OVOL2: variants seen among roughly 807,000 people sequenced by gnomAD.
The protein encoded by OVOL2 is transcription factor Ovo-like 2.
In OVOL2, 13 loss-of-function variants were observed where a neutral mutation model predicts 18.1. The ratio of observed to expected loss-of-function variants is 0.72; its 90% CI spans 0.47 to 1.14. The LOEUF is 1.14. OVOL2 is among the 50% of genes most tolerant of loss of function. OVOL2 has a pLI of 0.00. For missense variants in OVOL2, 335 were observed against 383.0 expected, an observed-to-expected ratio of 0.87 and a Z score of 1.05; for synonymous variants, 166 against 162.7, an observed-to-expected ratio of 1.02 and a Z score of -0.16.
chr20:18,025,442 A>C (rs2036504817), intron 3 of OVOL2, among the ~76,000 whole-genome samples: 2 of 151,950 alleles, frequency 1.3e-5, no homozygotes, highest in African/African-American at 4.8e-5. Context: ...GGTGGCGCGC[A>C]CCCATAGTCC....
intron 2 of OVOL2, among the ~76,000 whole-genome samples, chr20:18,049,415 T>C (rs532478102): frequency 7.9e-5 from 12 of 152,344 alleles, no homozygotes; most frequent in Middle Eastern, 3.4e-3. Flanking sequence ...ATTTAGTTAA[T>C]GGTCTATGGG....
chr20:18,048,641 C>T (rs1441332850), intron 2 of OVOL2, among the ~76,000 whole-genome samples: 4 of 151,928 alleles, frequency 2.6e-5, no homozygotes, highest in South Asian at 2.1e-4. Context: ...TGGGGGGCGG[C>T]GGTTACAGTA....
Position 18,057,497 on chromosome 20 carries a change from G to T in OVOL2, c.100+38C>A. On this transcript the variant is annotated intron_variant, in intron 1 of 3. Transcript: ENST00000278780. This position sits in a 1 kb window ranked among gnomAD's most constrained non-coding sequence, Gnocchi z 6.3. Reference sequence around the variant, plus strand: ...CCCGCCACCCCTTCCCCCACCCCGGGAGCCCAGCGCCCAGGCCCGGCCCCC... The same window carrying T: ...CCCGCCACCCCTTCCCCCACCCCGGTAGCCCAGCGCCCAGGCCCGGCCCCC... 1 of 1,546,606 alleles carries T rather than the reference G, an allele frequency of 6.5e-7. No homozygotes were observed. Among genetic ancestry groups the T allele is most frequent in the Non-Finnish European group, 8.7e-7 (1 of 1,144,752 alleles).
Position 18,042,802 on chromosome 20 carries a change from G to A in OVOL2, c.322-1079C>T, listed in dbSNP as rs149485470. On this transcript the variant is annotated intron_variant, in intron 2 of 3. Coordinates refer to ENST00000278780, the MANE Select transcript of OVOL2 (RefSeq NM_021220.4). ...AAAAAAAAAAAAAAAAAAGAGCCCG[G>A]CACTTCCTCCCCTCTCTCTTGCTTC... Among the ~76,000 whole-genome samples, 149 of 144,632 alleles carry A rather than the reference G, an allele frequency of 1.0e-3. 3 individuals are homozygous for A. In the East Asian group the frequency reaches 0.026, roughly 25 times the overall value. The allele number at this position is 144,632 out of a possible 152,430, so 94.9% of individuals were successfully genotyped here. A position where few individuals can be genotyped will look rare whatever the true frequency, so the allele number is the denominator to read the frequency against.
intron 3 of OVOL2, among the ~76,000 whole-genome samples, chr20:18,025,660 C>G (rs540101133): frequency 6.6e-6 from 1 of 152,238 alleles, no homozygotes; most frequent in East Asian, 1.9e-4. Flanking sequence ...TGGGAAGAAC[C>G]TATAGGGCAA....
rs1555794629 is a variant in OVOL2, at chr20:18,032,499, T to TTCA, written c.512-7548_512-7547insTGA. Among the ~76,000 whole-genome samples the TTCA allele has an allele frequency of 5.8e-4, 87 of 151,104 alleles. No individual in the cohort carries two copies. In the East Asian group the frequency reaches 0.016, roughly 28 times the overall value. The stretch of plus-strand genomic sequence containing the variant: ...TACTGGAAATTTTGTCATGATTTCT[T>TTCA]TTATTATTATTATTATTATTATTTT... On this transcript the variant is annotated intron_variant, in intron 3 of 3. Transcript: ENST00000278780.
At chr20:18,044,180 C>A (rs1005435616) in intron 2 of OVOL2, among the ~76,000 whole-genome samples, 1 of 152,186 alleles carries the variant, frequency 6.6e-6, no homozygotes, top group Non-Finnish European at 1.5e-5. Flanking sequence ...TTCAGGAGGT[C>A]TGGTAGGGTC....
chr20:18,058,122 C>A (rs567553306), upstream of OVOL2, among the ~76,000 whole-genome samples: 1 of 152,224 alleles, frequency 6.6e-6, no homozygotes, highest in South Asian at 2.1e-4. Context: ...CCATCACCTG[C>A]ACCTCGAGGC....
chr20:18,037,079 T>A, intron 3 of OVOL2, among the ~76,000 whole-genome samples: 1 of 141,792 alleles, frequency 7.1e-6, no homozygotes. Context: ...GAGCTTGCAG[T>A]GAGCCGAGAT....
chr20:18,024,425 G>T lies in OVOL2; in HGVS notation c.*211C>A. 9.4e-7 allele frequency: 1 copy of T among 1,068,290 alleles called. No individual in the cohort carries two copies. Among genetic ancestry groups the T allele is most frequent in the Non-Finnish European group, 1.3e-6 (1 of 796,926 alleles). 66.2% of individuals were successfully genotyped at this position (1,068,290 alleles called of 1,614,324 possible). ...CAAACTTTGGTGAATGTGAGCAACT[G>T]CGCCAGACAGGACACAGGTTACAGG... is the stretch of plus-strand genomic sequence containing the variant. On this transcript the variant is annotated 3_prime_UTR_variant, in exon 4 of 4. Transcript: ENST00000278780.
chr20:18,055,531 C>G (rs2036813523), intron 2 of OVOL2, among the ~76,000 whole-genome samples: 1 of 152,200 alleles, frequency 6.6e-6, no homozygotes, highest in Admixed American at 6.5e-5. Flanking sequence ...AGAGGTCTTT[C>G]CTTTGGATCC....
upstream of OVOL2, among the ~76,000 whole-genome samples, chr20:18,058,410 C>T (rs923421978): frequency 1.6e-4 from 23 of 148,054 alleles, no homozygotes; most frequent in East Asian, 4.3e-3. Flanking sequence ...CAACACCCCC[C>T]CCCCATAAGC....
At chr20:18,032,499 T>TTTATTA (rs111565839) in intron 3 of OVOL2, among the ~76,000 whole-genome samples, 56 of 151,102 alleles carry the variant, frequency 3.7e-4, no homozygotes, top group South Asian at 1.5e-3. Context: ...CATGATTTCT[T>TTTATTA]TTATTATTAT....
At position 18,057,778 on chromosome 20, in the gene OVOL2, G is replaced by A; in HGVS notation, c.-144C>T. 7.1e-7 allele frequency: 1 copy of A among 1,405,644 alleles called. No homozygotes were observed. Among genetic ancestry groups the A allele is most frequent in the Non-Finnish European group, 9.2e-7 (1 of 1,088,204 alleles). 87.1% of individuals were successfully genotyped at this position (1,405,644 alleles called of 1,614,324 possible). On this transcript the variant is annotated 5_prime_UTR_variant, in exon 1 of 4. Coordinates refer to ENST00000278780, the MANE Select transcript of OVOL2 (RefSeq NM_021220.4). The surrounding 1 kb of genome is among the most constrained non-coding windows in gnomAD (Gnocchi z 6.3). ...CCCTCTTCCTCCACCCCCCGCCGCG[G>A]CGCGGCCCAGGCCTCTCCCCCGCAC...
chr20:18,055,598 T>G (rs2036814181), intron 2 of OVOL2, among the ~76,000 whole-genome samples: 1 of 151,908 alleles, frequency 6.6e-6, no homozygotes, highest in South Asian at 2.1e-4. Flanking sequence ...CACCCCGGAG[T>G]CAAACCCTGG....
intron 3 of OVOL2, among the ~76,000 whole-genome samples, chr20:18,027,161 A>G (rs1366070118): frequency 3.9e-5 from 6 of 152,130 alleles, no homozygotes. Flanking sequence ...AAGCACACTA[A>G]GCAGAATCTC....
At chr20:18,028,945 T>C (rs562129259) in intron 3 of OVOL2, among the ~76,000 whole-genome samples, 239 of 152,300 alleles carry the variant, frequency 1.6e-3, no homozygotes, top group Non-Finnish European at 1.7e-3. Flanking sequence ...TGTCACCCCA[T>C]GCACCTCTCC....
chr20:18,025,053 T>C (rs2036500125), intron 3 of OVOL2, 101 bp from the exon 4 acceptor site: 3 of 1,372,880 alleles, frequency 2.2e-6, no homozygotes, highest in Non-Finnish European at 3.0e-6. Flanking sequence ...CAAGGATTCA[T>C]GGCAGCATGA....
Position 18,057,278 on chromosome 20 carries a change from A to G in OVOL2, c.100+257T>C, listed in dbSNP as rs2036838476. On this transcript the variant is annotated intron_variant, in intron 1 of 3. Transcript: ENST00000278780. This position sits in a 1 kb window ranked among gnomAD's most constrained non-coding sequence, Gnocchi z 6.3. ...TGGCTTTCAATCCCTTTCCTGGGCCACCTTGGCCCGCGCTGCAGCCAACGG... is the reference window on the plus strand; with the variant it reads ...TGGCTTTCAATCCCTTTCCTGGGCCGCCTTGGCCCGCGCTGCAGCCAACGG... Among the ~76,000 whole-genome samples the G allele has an allele frequency of 6.6e-6, 1 of 152,048 alleles. No homozygotes were observed. The highest frequency in any genetic ancestry group is 2.4e-5 in the African/African-American group (1 of 41,400).
Sources: gnomAD v4.1 joint callset for allele counts (sites outside exome capture counted in the v4.1 genomes callset) on GRCh38, gnomAD v4.1.1 for gene constraint, Gnocchi (gnomAD v3.1) non-coding constraint, MANE v1.5 for transcripts, NCBI Gene and HGNC (gene_info 2026-07-23, HGNC 2026-07-21) for gene names.